Variants in PLXNA4 observed in about 807,000 individuals in gnomAD.
PLXNA4 encodes the protein plexin-A4.
In PLXNA4, 44 loss-of-function variants were observed where a neutral mutation model predicts 191.8. The ratio of observed to expected loss-of-function variants is 0.23; its 90% confidence interval spans 0.18 to 0.29. The LOEUF (loss-of-function observed/expected upper bound fraction) is 0.29, where lower values mean the gene tolerates loss of function less well. PLXNA4 is among the 10% of genes least tolerant of loss of function. The probability of loss-of-function intolerance (pLI) is 1.00; values close to 1 mark genes in which losing one functional copy is unlikely to be tolerated. For missense variants in PLXNA4, 1,800 were observed against 2,488.8 expected (o/e 0.72, Z 5.89); for synonymous variants, 1,082 against 1,009.5 (o/e 1.07, Z -1.36).
intron 3 of PLXNA4, among the ~76,000 whole-genome samples, chr7:132,431,197 G>C (rs1303166442): frequency 6.6e-6 from 1 of 152,182 alleles, no homozygotes; most frequent in African/African-American, 2.4e-5. Flanking sequence ...ATTCTCAATA[G>C]AAATTTGCTA....
chr7:132,405,544 GCT>G (rs763607558), intron 3 of PLXNA4, among the ~76,000 whole-genome samples: 23 of 152,168 alleles, frequency 1.5e-4, no homozygotes, highest in Admixed American at 4.6e-4. Context: ...ATGGGTGACA[GCT>G]CTCGGTCCTC....
chr7:132,583,090 C>T (rs928656414), intron 2 of PLXNA4, among the ~76,000 whole-genome samples: 39 of 152,220 alleles, frequency 2.6e-4, no homozygotes, highest in African/African-American at 8.7e-4. Flanking sequence ...ATCGTCAGTT[C>T]AGTTCCAGAG....
intron 5 of PLXNA4, among the ~76,000 whole-genome samples, chr7:132,229,628 G>C (rs6960671): frequency 0.01 from 1,598 of 152,282 alleles, 33 homozygotes; most frequent in African/African-American, 0.036. Context: ...AAAGAGAAAA[G>C]ATTTTGCAGA....
intron 3 of PLXNA4, among the ~76,000 whole-genome samples, chr7:132,488,270 A>T (rs940562174): frequency 2.0e-5 from 3 of 152,212 alleles, no homozygotes; most frequent in Non-Finnish European, 4.4e-5. Context: ...GGGCTGTTAC[A>T]TTGTTGGATG....
At chr7:132,614,408 G>A (rs576683764) in intron 2 of PLXNA4, among the ~76,000 whole-genome samples, 2 of 152,246 alleles carry the variant, frequency 1.3e-5, no homozygotes, top group Non-Finnish European at 2.9e-5. Flanking sequence ...GCGGGAGTGG[G>A]TTTAAGCAGG....
chr7:132,216,434 C>T (rs1309479933), intron 9 of PLXNA4, among the ~76,000 whole-genome samples: 1 of 152,100 alleles, frequency 6.6e-6, no homozygotes, highest in Non-Finnish European at 1.5e-5. Context: ...GGTGGGCCTC[C>T]AAGGGGCGGC....
chr7:132,484,068 C>T (rs1028441749), intron 3 of PLXNA4, among the ~76,000 whole-genome samples: 1 of 152,188 alleles, frequency 6.6e-6, no homozygotes, highest in Admixed American at 6.5e-5. Flanking sequence ...GCCACACTTA[C>T]ATCAAAAGGG....
intron 3 of PLXNA4, among the ~76,000 whole-genome samples, chr7:132,472,821 C>T (rs1021363176): frequency 3.9e-5 from 6 of 152,256 alleles, no homozygotes; most frequent in African/African-American, 1.2e-4. Context: ...ATGGTGAGGG[C>T]GTGGCCAGCG....
intron 3 of PLXNA4, among the ~76,000 whole-genome samples, chr7:132,317,898 G>A (rs145775394): frequency 1.3e-5 from 2 of 152,204 alleles, no homozygotes; most frequent in African/African-American, 2.4e-5. Flanking sequence ...CAAGAGCAGG[G>A]AGTGGAGAAC....
intron 1 of PLXNA4, among the ~76,000 whole-genome samples, chr7:132,545,636 A>C (rs928874311): frequency 6.6e-6 from 1 of 152,174 alleles, no homozygotes; most frequent in Non-Finnish European, 1.5e-5. Flanking sequence ...TTCTCTCCAA[A>C]TGCCTTTATT....
At chr7:132,177,858 TAG>T (rs1365491525) in intron 20 of PLXNA4, among the ~76,000 whole-genome samples, 1 of 152,138 alleles carries the variant, frequency 6.6e-6, no homozygotes, top group African/African-American at 2.4e-5. Context: ...CTGAAGGATG[TAG>T]AGAGGGGATG....
intron 1 of PLXNA4, among the ~76,000 whole-genome samples, chr7:132,567,487 G>A (rs1801788376): frequency 6.6e-6 from 1 of 152,106 alleles, no homozygotes; most frequent in African/African-American, 2.4e-5. Flanking sequence ...TGAATCCTCT[G>A]GAATAGCCAG....
At chr7:132,160,796 T>C (rs973259254) in intron 24 of PLXNA4, among the ~76,000 whole-genome samples, 2 of 152,084 alleles carry the variant, frequency 1.3e-5, no homozygotes, top group Non-Finnish European at 2.9e-5. Context: ...GCAGTCTCTC[T>C]CCCACTCCAC....
At chr7:132,311,145 ATC>A (rs1299821827) in intron 3 of PLXNA4, among the ~76,000 whole-genome samples, 3 of 142,446 alleles carry the variant, frequency 2.1e-5, no homozygotes, top group Non-Finnish European at 4.5e-5. Flanking sequence ...TTCCTGGGCT[ATC>A]TAGGATAATT....
upstream of PLXNA4, among the ~76,000 whole-genome samples, chr7:132,579,830 A>G (rs547270889): frequency 1.3e-5 from 2 of 152,228 alleles, no homozygotes; most frequent in Admixed American, 1.3e-4. Flanking sequence ...GGCAGTTATC[A>G]TATTATCGGA....
rs968556685 is a variant in PLXNA4, at chr7:132,330,907, C to T, written c.1372-32685G>A. ...AATATGTTTTTCTAAATAAAGAAGG[C>T]TGACCAAGGGCAGGAACAAAGCAAA... On this transcript the variant is annotated intron_variant, in intron 3 of 31. Coordinates refer to ENST00000321063, the MANE Select transcript of PLXNA4 (RefSeq NM_020911.2). 3.9e-5 allele frequency among the ~76,000 whole-genome samples: 6 copies of T among 152,194 alleles called. 1 individual carries two copies. The South Asian group carries it at 6.2e-4, about 16-fold the overall frequency.
chr7:132,604,773 G>A (rs1802891347), intron 2 of PLXNA4, among the ~76,000 whole-genome samples: 1 of 152,120 alleles, frequency 6.6e-6, no homozygotes, highest in African/African-American at 2.4e-5. Context: ...TCTCTGTACA[G>A]ATGCAGGGAC....
chr7:132,299,242 G>C (rs1040830683), intron 3 of PLXNA4, among the ~76,000 whole-genome samples: 12 of 152,134 alleles, frequency 7.9e-5, no homozygotes, highest in African/African-American at 2.9e-4. Flanking sequence ...TACACATAAC[G>C]TAATTTTAGA....
At chr7:132,561,230 T>C (rs948106898) in intron 1 of PLXNA4, among the ~76,000 whole-genome samples, 3 of 151,958 alleles carry the variant, frequency 2.0e-5, no homozygotes, top group African/African-American at 7.3e-5. Context: ...ACAAAGCCAA[T>C]CTGAGGGATC....
Sources: allele counts gnomAD v4.1 joint callset (sites outside exome capture counted in the v4.1 genomes callset), GRCh38; gene constraint gnomAD v4.1.1; transcripts MANE v1.5; gene names NCBI Gene and HGNC (gene_info 2026-07-23, HGNC 2026-07-21).